The following IGSF5 variants were observed in gnomAD, a reference collection of about 807,000 sequenced individuals.
IGSF5 encodes the protein immunoglobulin superfamily member 5, also known as immunoglobulin superfamily 5 like.
In IGSF5, 41 loss-of-function variants were observed where a neutral mutation model predicts 39.4. The ratio of observed to expected loss-of-function variants is 1.04; its 90% CI spans 0.81 to 1.35. IGSF5 has a LOEUF of 1.35. Ranked by LOEUF, IGSF5 falls within the 40% of genes most tolerant of loss-of-function variation. The pLI, the probability that IGSF5 is intolerant of heterozygous loss-of-function variation, is 0.00. For missense variants in IGSF5, 487 were observed against 494.6 expected (o/e 0.98, Z 0.15); for synonymous variants, 183 against 175.3 (o/e 1.04, Z -0.34).
intron 4 of IGSF5, among the ~76,000 whole-genome samples, chr21:39,774,238 G>A (rs906187494): frequency 6.6e-6 from 1 of 152,250 alleles, no homozygotes; most frequent in African/African-American, 2.4e-5. Flanking sequence ...GGTTGGCGGA[G>A]CTGGTGACCA....
chr21:39,757,044 C>A (rs1034754297), intron 2 of IGSF5, among the ~76,000 whole-genome samples: 1 of 151,390 alleles, frequency 6.6e-6, no homozygotes, highest in African/African-American at 2.4e-5. Context: ...AGGCACAGTC[C>A]CCCCGAGAGC....
At chr21:39,760,460 G>T (rs2146276791) in intron 2 of IGSF5, among the ~76,000 whole-genome samples, 1 of 152,326 alleles carries the variant, frequency 6.6e-6, no homozygotes, top group East Asian at 1.9e-4. Context: ...ACATGTGAGA[G>T]CCCTGAGGCC....
At chr21:39,731,863 T>G in the IGSF5 span, among the ~76,000 whole-genome samples, 4 of 152,182 alleles carry the variant, frequency 2.6e-5, no homozygotes, top group Non-Finnish European at 4.4e-5. Flanking sequence ...TTTTAAGGCA[T>G]GAAATTTGTA....
In IGSF5 at chr21:39,770,997, A is replaced by AC; in HGVS notation, c.501dup (p.Trp168LeufsTer79). On this transcript the variant is annotated frameshift_variant, in exon 4 of 9. Transcript: ENST00000380588. LOFTEE classifies it high-confidence loss of function. The stretch of plus-strand genomic sequence containing the variant: ...TGTGAAGTTACTTGTCTACCCTCAC[A>AC]CTGGACCCGGCTCCCGGATATTTCC... 1 of 1,613,700 alleles carries AC rather than the reference A, an allele frequency of 6.2e-7. No individual in the cohort carries two copies. The highest frequency in any genetic ancestry group is 2.2e-5 in the East Asian group (1 of 44,872).
the IGSF5 span, among the ~76,000 whole-genome samples, chr21:39,712,380 C>T: frequency 6.6e-6 from 1 of 152,108 alleles, no homozygotes; most frequent in East Asian, 1.9e-4. Context: ...GTGGACCAGA[C>T]GTTTTGTAAA....
chr21:39,792,925 A>G (rs2086973961), intron 7 of IGSF5, among the ~76,000 whole-genome samples: 1 of 152,148 alleles, frequency 6.6e-6, no homozygotes, highest in East Asian at 1.9e-4. Context: ...TTCCATGGGA[A>G]GGTTTTCAGC....
At chr21:39,767,126 CTTA>C (rs2080091038) in intron 3 of IGSF5, among the ~76,000 whole-genome samples, 1 of 151,984 alleles carries the variant, frequency 6.6e-6, no homozygotes, top group African/African-American at 2.4e-5. Context: ...TAACCAGATT[CTTA>C]TTATGATAAT....
intron 8 of IGSF5, among the ~76,000 whole-genome samples, chr21:39,799,353 C>G (rs889185358): frequency 6.6e-6 from 1 of 152,174 alleles, no homozygotes; most frequent in East Asian, 1.9e-4. Flanking sequence ...AGCAGCAGCT[C>G]TCAGTACAGC....
At chr21:39,730,354 T>C in the IGSF5 span, 2 of 152,174 alleles carry the variant, frequency 1.3e-5, no homozygotes, top group Non-Finnish European at 2.9e-5. Context: ...ATACAGACCT[T>C]GTTTTAACTT....
rs748908289 is a variant in IGSF5 at position 39,765,797 on chromosome 21, C to T, written c.363C>T (p.Ile121=). ...HNVEPSDSGN[I]RCSLQNSRLH... ...TGGAGCCCAGTGATTCGGGGAACAT[C>T]AGATGCAGCCTCCAGAACAGTCGCC... The change falls in exon 3 of 9, where the codon ATC becomes ATT. Residue 121 remains isoleucine (I), a synonymous_variant. Transcript: ENST00000380588. 2 of 1,614,094 alleles carry T rather than the reference C, an allele frequency of 1.2e-6. No individual in the cohort carries two copies. The highest frequency in any genetic ancestry group is 1.7e-6 in the Non-Finnish European group (2 of 1,180,014).
the IGSF5 span, among the ~76,000 whole-genome samples, chr21:39,717,431 A>T: frequency 6.6e-6 from 1 of 152,140 alleles, no homozygotes; most frequent in African/African-American, 2.4e-5. Context: ...TAGGTCCAAG[A>T]TGGTATTGCC....
intron 8 of IGSF5, among the ~76,000 whole-genome samples, chr21:39,800,670 G>C (rs1399867843): frequency 6.6e-6 from 1 of 152,174 alleles, no homozygotes; most frequent in African/African-American, 2.4e-5. Flanking sequence ...TTGTGCCCTG[G>C]AACCTGAGCT....
chr21:39,741,518 C>T (rs562686394), upstream of IGSF5, among the ~76,000 whole-genome samples: 285 of 152,270 alleles, frequency 1.9e-3, 3 homozygotes, highest in African/African-American at 6.2e-3. Flanking sequence ...AATTTAAGAG[C>T]GCTTGGGTGG....
At chr21:39,770,260 C>T (rs763743189) in intron 3 of IGSF5, among the ~76,000 whole-genome samples, 1 of 113,808 alleles carries the variant, frequency 8.8e-6, no homozygotes, top group East Asian at 2.8e-4. Flanking sequence ...CTGACCTATG[C>T]GAGAGTGTTC....
chr21:39,728,003 GCT>G, the IGSF5 span: 1 of 152,278 alleles, frequency 6.6e-6, no homozygotes, highest in Non-Finnish European at 1.5e-5. Flanking sequence ...GTAAGTAAAG[GCT>G]CATACCTCCT....
upstream of IGSF5, among the ~76,000 whole-genome samples, chr21:39,741,201 G>T (rs781504768): frequency 4.6e-5 from 7 of 152,170 alleles, no homozygotes; most frequent in Non-Finnish European, 8.8e-5. Context: ...GGCATGGAAA[G>T]CTGCTTCTGC....
chr21:39,758,181 G>A (rs777188995), intron 2 of IGSF5, among the ~76,000 whole-genome samples: 15 of 152,092 alleles, frequency 9.9e-5, no homozygotes, highest in Non-Finnish European at 1.8e-4. Context: ...GGAGTGTAGG[G>A]GGAAGACAAG....
chr21:39,724,097 TA>T, the IGSF5 span, among the ~76,000 whole-genome samples: 1 of 149,870 alleles, frequency 6.7e-6, no homozygotes, highest in Non-Finnish European at 1.5e-5. Flanking sequence ...TAAAATAAAA[TA>T]AAATAAAATA....
intron 8 of IGSF5, among the ~76,000 whole-genome samples, chr21:39,800,280 G>C (rs945474542): frequency 1.3e-5 from 2 of 152,078 alleles, no homozygotes; most frequent in African/African-American, 4.8e-5. Context: ...GAAATTCTCT[G>C]TCTCTGTCAT....
Sources: allele counts gnomAD v4.1 joint callset (sites outside exome capture counted in the v4.1 genomes callset), GRCh38; gene constraint gnomAD v4.1.1; transcripts MANE v1.5; gene names NCBI Gene and HGNC (gene_info 2026-07-23, HGNC 2026-07-21).